Variants in KCNMB3 observed in about 807,000 individuals in gnomAD.
KCNMB3 encodes the protein potassium calcium-activated channel subfamily M regulatory beta subunit 3.
A neutral mutation model predicts 11.9 loss-of-function variants in KCNMB3; 18 were observed. That is an observed-to-expected ratio of 1.51 (90% CI 1.04 to 2.23). The LOEUF (loss-of-function observed/expected upper bound fraction) is 2.23, where lower values mean the gene tolerates loss of function less well. Ranked by LOEUF, KCNMB3 falls within the 30% of genes most tolerant of loss-of-function variation. The pLI, the probability that KCNMB3 is intolerant of heterozygous loss-of-function variation, is 0.00. For synonymous variants in KCNMB3, 78 were observed against 119.2 expected (o/e 0.65, Z 2.25); for missense variants, 247 against 329.4 (o/e 0.75, Z 1.94).
chr3:179,246,337 G>A (rs1047252985), intron 1 of KCNMB3, among the ~76,000 whole-genome samples: 1 of 152,004 alleles, frequency 6.6e-6, no homozygotes, highest in Non-Finnish European at 1.5e-5. Context: ...GCTTAAACCC[G>A]GGAGGCAGAA....
chr3:179,261,630 A>G (rs1010230643), intron 1 of KCNMB3, among the ~76,000 whole-genome samples: 1 of 151,896 alleles, frequency 6.6e-6, no homozygotes, highest in Non-Finnish European at 1.5e-5. Context: ...ATATGAATTC[A>G]GTAGAAACTG....
At chr3:179,263,890 C>G (rs1278966915) in intron 1 of KCNMB3, among the ~76,000 whole-genome samples, 1 of 132,566 alleles carries the variant, frequency 7.5e-6, no homozygotes, top group East Asian at 2.6e-4. Context: ...ACTACAACCT[C>G]TGCTTCCCGG....
intron 1 of KCNMB3, among the ~76,000 whole-genome samples, chr3:179,263,800 C>CTTTTTTTTTTTTTTTTTTTTTTTTTT (rs60270913): frequency 1.5e-4 from 9 of 59,978 alleles, no homozygotes; most frequent in South Asian, 8.4e-4. Context: ...TTTTTCTTTT[C>CTTTTTTTTTTTTTTTTTTTTTTTTTT]TTTTTTTTTT....
chr3:179,263,806 T>C (rs1401944586), intron 1 of KCNMB3, among the ~76,000 whole-genome samples: 275 of 128,896 alleles, frequency 2.1e-3, no homozygotes, highest in East Asian at 7.5e-3. Context: ...TTTTCTTTTT[T>C]TTTTTTTTTT....
chr3:179,251,019 T>C lies in KCNMB3; in HGVS notation c.-29A>G, dbSNP rs772979647. On this transcript the variant is annotated 5_prime_UTR_variant, in exon 1 of 3. Coordinates refer to ENST00000392685, the MANE Select transcript of KCNMB3 (RefSeq NM_171830.2). Reference sequence around the variant, plus strand: ...CAATCCATGGGGACTGGAGGGATAATCTCATTTGCTGCCTACCTGTGTCTC... The same window carrying C: ...CAATCCATGGGGACTGGAGGGATAACCTCATTTGCTGCCTACCTGTGTCTC... The C allele has an allele frequency of 5.0e-6, 8 of 1,614,084 alleles. No homozygotes were observed. Among genetic ancestry groups the C allele is most frequent in the Non-Finnish European group, 6.8e-6 (8 of 1,180,038 alleles).
chr3:179,239,751 C>T (rs1483077348), downstream of KCNMB3: 6 of 394,774 alleles, frequency 1.5e-5, no homozygotes, highest in Non-Finnish European at 2.7e-5. Context: ...CTTTTGGCCC[C>T]ATTAATTGTA....
intron 1 of KCNMB3, among the ~76,000 whole-genome samples, chr3:179,257,872 T>TTG (rs112319528): frequency 0.024 from 2,217 of 90,944 alleles, 46 homozygotes; most frequent in African/African-American, 0.051. Context: ...AAACATTGTT[T>TTG]TGTGTGTGTG....
intron 1 of KCNMB3, chr3:179,259,946 G>A: frequency 1.9e-6 from 3 of 1,612,766 alleles, no homozygotes; most frequent in South Asian, 1.1e-5. Context: ...CCTCTTCTTC[G>A]TTGTGATCCC....
upstream of KCNMB3, among the ~76,000 whole-genome samples, chr3:179,252,995 G>A (rs1725898184): frequency 6.6e-6 from 1 of 152,104 alleles, no homozygotes; most frequent in East Asian, 1.9e-4. Flanking sequence ...CTCCCAAACT[G>A]CTAGGATTAC....
chr3:179,257,246 T>C (rs1726040371), intron 1 of KCNMB3, among the ~76,000 whole-genome samples: 1 of 152,240 alleles, frequency 6.6e-6, no homozygotes, highest in Admixed American at 6.5e-5. Flanking sequence ...ATGGTTCCAC[T>C]TGCAATTTTT....
chr3:179,251,262 G>C, upstream of KCNMB3: 1 of 1,472,618 alleles, frequency 6.8e-7, no homozygotes, highest in South Asian at 1.4e-5. Context: ...TTATCTTTCA[G>C]GGATATTGCA....
At chr3:179,266,489 C>G (rs574462091) in intron 1 of KCNMB3, among the ~76,000 whole-genome samples, 1 of 152,190 alleles carries the variant, frequency 6.6e-6, no homozygotes, top group Non-Finnish European at 1.5e-5. Flanking sequence ...GATGTGAGTG[C>G]TACTGGGGAA....
At chr3:179,245,515 G>GT (rs1491194472) in intron 1 of KCNMB3, among the ~76,000 whole-genome samples, 2 of 120,430 alleles carry the variant, frequency 1.7e-5, no homozygotes, top group Admixed American at 7.9e-5. Flanking sequence ...TAATTTTTTT[G>GT]GGGGGGGGGA....
upstream of KCNMB3, among the ~76,000 whole-genome samples, chr3:179,254,195 G>A (rs1268881386): frequency 6.6e-6 from 1 of 152,174 alleles, no homozygotes; most frequent in Non-Finnish European, 1.5e-5. Flanking sequence ...GGACTTAAAA[G>A]TCAGTGTCAG....
intron 1 of KCNMB3, chr3:179,260,549 T>C (rs1408489303): frequency 1.3e-6 from 2 of 1,592,924 alleles, no homozygotes; most frequent in African/African-American, 1.3e-5. Context: ...CCTCACTGGC[T>C]TTCCTAGGGT....
chr3:179,263,342 C>A (rs1726280273), intron 1 of KCNMB3, among the ~76,000 whole-genome samples: 1 of 150,898 alleles, frequency 6.6e-6, no homozygotes, highest in Non-Finnish European at 1.5e-5. Context: ...GGAACTCGGA[C>A]TGGCCCGCAA....
chr3:179,261,172 G>T (rs1726194218), intron 1 of KCNMB3: 2 of 1,335,072 alleles, frequency 1.5e-6, no homozygotes, highest in Admixed American at 2.4e-5. Flanking sequence ...GAGCCTCCGC[G>T]CGGGCCTCCC....
chr3:179,242,903 C>T lies in KCNMB3; in HGVS notation c.*1G>A, dbSNP rs370549378. On this transcript the variant is annotated 3_prime_UTR_variant, in exon 3 of 3. Coordinates refer to ENST00000392685, the MANE Select transcript of KCNMB3 (RefSeq NM_171830.2). ...GCCAGCACTTTAATTTGGCCACCGT[C>T]TTAAGATTTCTCTGCTCTTCCTTTG... 35 of 1,587,918 alleles carry T rather than the reference C, an allele frequency of 2.2e-5. 1 individual carries two copies. In the South Asian group the frequency reaches 3.6e-4, roughly 17 times the overall value.
chr3:179,266,931 T>C lies in KCNMB3; in HGVS notation c.-221A>G, dbSNP rs1376540128. 9 of 1,408,804 alleles carry C rather than the reference T, an allele frequency of 6.4e-6. No homozygotes were observed. The East Asian group carries it at 2.3e-4, about 36-fold the overall frequency. The allele number at this position is 1,408,804 out of a possible 1,614,324, so 87.3% of individuals were successfully genotyped here. ...GCAGACTCCTGGCAAGGCGGAGCGG[T>C]CAGTTCTAGATGATCAAGAAGGACC... On this transcript the variant is annotated 5_prime_UTR_variant, in exon 1 of 4. Coordinates refer to the KCNMB3 transcript ENST00000349697.
Sources: gnomAD v4.1 joint callset for allele counts (sites outside exome capture counted in the v4.1 genomes callset) on GRCh38, gnomAD v4.1.1 for gene constraint, MANE v1.5 for transcripts, NCBI Gene and HGNC (gene_info 2026-07-23, HGNC 2026-07-21) for gene names.